FGF6: variants seen among roughly 807,000 people sequenced by gnomAD.
The protein encoded by FGF6 is FGF-6.
FGF6 carries 14 observed loss-of-function variants against 18.4 expected under a neutral mutation model. That is an observed-to-expected ratio of 0.76 (90% CI 0.50 to 1.19). The LOEUF (loss-of-function observed/expected upper bound fraction) is 1.19. Among genes scored for constraint, FGF6 ranks in the 50% most tolerant of loss-of-function variants. The pLI, the probability that FGF6 is intolerant of heterozygous loss-of-function variation, is 0.00. For missense variants in FGF6, 266 were observed against 271.6 expected (o/e 0.98, Z 0.15); for synonymous variants, 125 against 116.7 (o/e 1.07, Z -0.46).
chr12:4,435,827 T>C (rs527951480), intron 2 of FGF6, among the ~76,000 whole-genome samples: 1 of 152,248 alleles, frequency 6.6e-6, no homozygotes, highest in Admixed American at 6.5e-5. Context: ...CAAGTCCTCC[T>C]CTTTCCTCTG....
At chr12:4,436,576 C>T (rs17183723) in intron 2 of FGF6, among the ~76,000 whole-genome samples, 1,572 of 152,190 alleles carry the variant, frequency 0.01, 25 homozygotes, top group African/African-American at 0.035. Flanking sequence ...ATGATTGCTC[C>T]GCCGCACTCC....
chr12:4,434,763 G>A (rs1408395572), intron 2 of FGF6, among the ~76,000 whole-genome samples: 1 of 152,186 alleles, frequency 6.6e-6, no homozygotes, highest in Non-Finnish European at 1.5e-5. Context: ...GAACAGACCA[G>A]GAAATGACAC....
chr12:4,438,517 C>G (rs1471779603), intron 2 of FGF6, among the ~76,000 whole-genome samples: 1 of 152,072 alleles, frequency 6.6e-6, no homozygotes, highest in Non-Finnish European at 1.5e-5. Context: ...AATCCCAGCA[C>G]TTTGGGAGGC....
chr12:4,440,231 G>A (rs925575669), intron 2 of FGF6, among the ~76,000 whole-genome samples: 1 of 152,212 alleles, frequency 6.6e-6, no homozygotes, highest in Non-Finnish European at 1.5e-5. Context: ...TCAGACTTAT[G>A]TGCATTTGGC....
At chr12:4,437,477 C>A (rs1403744374) in intron 2 of FGF6, among the ~76,000 whole-genome samples, 1 of 152,152 alleles carries the variant, frequency 6.6e-6, no homozygotes, top group Non-Finnish European at 1.5e-5. Context: ...CCTCTCTGGA[C>A]CCTGGTTTCC....
At position 4,435,986 on chromosome 12, in the gene FGF6, T is replaced by A. The variant is rs1450236291; in HGVS notation, c.451-1595A>T. The stretch of plus-strand genomic sequence containing the variant: ...TTGAAAAGAAATATAGAATGAGAAA[T>A]GGATGGAGGATAACTTCTGACTCCT... On this transcript the variant is annotated intron_variant, in intron 2 of 2. Coordinates refer to ENST00000228837, the MANE Select transcript of FGF6 (RefSeq NM_020996.3). Among the ~76,000 whole-genome samples, 5 of 151,604 alleles carry A rather than the reference T, an allele frequency of 3.3e-5. No homozygotes were observed. The South Asian group carries it at 1.0e-3, about 32-fold the overall frequency.
intron 2 of FGF6, among the ~76,000 whole-genome samples, chr12:4,439,029 TG>T (rs2137027741): frequency 6.6e-6 from 1 of 152,334 alleles, no homozygotes; most frequent in East Asian, 1.9e-4. Flanking sequence ...CACTGGTAAC[TG>T]GGGCTGCCTC....
intron 1 of FGF6, among the ~76,000 whole-genome samples, chr12:4,444,637 T>C (rs558357055): frequency 7.2e-5 from 11 of 152,320 alleles, no homozygotes; most frequent in African/African-American, 2.6e-4. Context: ...CCACTTAATC[T>C]TGAAAACACA....
At chr12:4,437,087 AG>A (rs1205956087) in intron 2 of FGF6, among the ~76,000 whole-genome samples, 1 of 152,230 alleles carries the variant, frequency 6.6e-6, no homozygotes, top group East Asian at 1.9e-4. Context: ...TAACCTCTAA[AG>A]CTTCAATTCC....
At chr12:4,441,336 T>G (rs1343440610) in intron 2 of FGF6, among the ~76,000 whole-genome samples, 1 of 152,144 alleles carries the variant, frequency 6.6e-6, no homozygotes, top group African/African-American at 2.4e-5. Context: ...CGCGGAGCCC[T>G]GAGACGGGGC....
rs17183557 is a variant in FGF6 at position 4,444,878 on chromosome 12, C to G, written c.346+347G>C. Among the ~76,000 whole-genome samples the G allele has an allele frequency of 4.0e-3, 607 of 152,336 alleles. 3 individuals are homozygous for G. Among genetic ancestry groups the G allele is most frequent in the Admixed American group, 7.5e-3 (115 of 15,308 alleles). ...AAGCTGAATAAAAATGAGCTTGTGT[C>G]AAATTTGATCCAAGTATACTAACTG... On this transcript the variant is annotated intron_variant, in intron 1 of 2. Transcript: ENST00000228837.
intron 2 of FGF6, among the ~76,000 whole-genome samples, chr12:4,442,963 A>G (rs972196158): frequency 6.6e-6 from 1 of 152,254 alleles, no homozygotes; most frequent in South Asian, 2.1e-4. Flanking sequence ...GCTCTGCTGA[A>G]TAAGAATCTC....
chr12:4,442,459 A>G (rs1406622249), intron 2 of FGF6, among the ~76,000 whole-genome samples: 4 of 152,168 alleles, frequency 2.6e-5, no homozygotes, highest in African/African-American at 7.2e-5. Context: ...CTTTCTGGGT[A>G]GGAAGAAAAA....
At position 4,445,402 on chromosome 12, in the gene FGF6, G is replaced by C. The variant is rs375947087; in HGVS notation, c.169C>G (p.Leu57Val). The C allele has an allele frequency of 8.1e-6, 13 of 1,613,646 alleles. No individual in the cohort carries two copies. Among genetic ancestry groups the C allele is most frequent in the Non-Finnish European group, 1.1e-5 (13 of 1,179,996 alleles). The change falls in exon 1 of 3, where the codon CTG becomes GTG. Residue 57 changes from leucine to valine, a missense_variant. Leu to Val is a conservative substitution (Grantham distance 32, BLOSUM62 1). Transcript: ENST00000228837. The surrounding 1 kb of genome is among the most constrained non-coding windows in gnomAD (Gnocchi z 5.5). ...TLLDSRGWGT[L>V]LSRSRAGLAG... ...AGCCCGGCGCGAGACCTGGACAGCA[G>C]GGTGCCCCAGCCCCTCGAGTCCAGC...
In FGF6 at chr12:4,440,920, CAATGCCCCAGATAATAATGCCCCAATGT is replaced by C. The variant is rs1334797990; in HGVS notation, c.450+3185_450+3212del. Among the ~76,000 whole-genome samples the C allele has an allele frequency of 3.4e-4, 52 of 152,278 alleles. 1 individual carries two copies. The highest frequency in any genetic ancestry group is 8.4e-4 in the African/African-American group (35 of 41,554). Reference sequence around the variant, plus strand: ...TAATGTAATGCCCCAGATAATAATGCAATGCCCCAGATAATAATGCCCCAATGTAATGCCCCAGATAATAATCAAAGGT... The same window carrying C: ...TAATGTAATGCCCCAGATAATAATGCAATGCCCCAGATAATAATCAAAGGT... On this transcript the variant is annotated intron_variant, in intron 2 of 2. Coordinates refer to ENST00000228837, the MANE Select transcript of FGF6 (RefSeq NM_020996.3).
intron 1 of FGF6, 82 bp from the exon 2 acceptor site, chr12:4,444,318 C>A: frequency 1.2e-6 from 1 of 863,728 alleles, no homozygotes. Flanking sequence ...CATCTCAGTC[C>A]ATCCCCCTTC....
intron 2 of FGF6, among the ~76,000 whole-genome samples, chr12:4,438,972 G>T (rs552450787): frequency 1.3e-5 from 2 of 152,062 alleles, no homozygotes; most frequent in Non-Finnish European, 2.9e-5. Flanking sequence ...ATACCGGTGC[G>T]TGCACGTGTG....
intron 1 of FGF6, among the ~76,000 whole-genome samples, chr12:4,444,499 A>G (rs1157213302): frequency 6.6e-6 from 1 of 152,226 alleles, no homozygotes; most frequent in Non-Finnish European, 1.5e-5. Context: ...CTATCTGTTT[A>G]AGATGAGCTT....
At chr12:4,434,444 G>T in intron 2 of FGF6, 53 bp from the exon 3 acceptor site, 2 of 1,580,568 alleles carry the variant, frequency 1.3e-6, no homozygotes, top group East Asian at 2.2e-5. Flanking sequence ...GAGGAGTGCT[G>T]CAGATGCCAG....
Sources: allele counts gnomAD v4.1 joint callset (sites outside exome capture counted in the v4.1 genomes callset), GRCh38; gene constraint gnomAD v4.1.1; non-coding constraint Gnocchi (gnomAD v3.1); transcripts MANE v1.5; gene names NCBI Gene and HGNC (gene_info 2026-07-23, HGNC 2026-07-21).